The following PTPRZ1 variants were observed in gnomAD, a reference collection of about 807,000 sequenced individuals.
The protein encoded by PTPRZ1 is receptor-type tyrosine-protein phosphatase zeta.
A neutral mutation model predicts 214.1 loss-of-function variants in PTPRZ1; 82 were observed. The ratio of observed to expected loss-of-function variants is 0.38; its 90% CI spans 0.32 to 0.46. PTPRZ1 has a LOEUF of 0.46. PTPRZ1 is among the 20% of genes least tolerant of loss of function. The probability of loss-of-function intolerance (pLI) is 1.00; values close to 1 mark genes in which losing one functional copy is unlikely to be tolerated. For missense variants in PTPRZ1, 2,603 were observed against 2,748.7 expected, an observed-to-expected ratio of 0.95 and a Z score of 1.19; for synonymous variants, 945 against 987.9, an observed-to-expected ratio of 0.96 and a Z score of 0.81.
intron 2 of PTPRZ1, among the ~76,000 whole-genome samples, chr7:121,946,983 G>A (rs747088082): frequency 2.0e-5 from 3 of 152,094 alleles, no homozygotes; most frequent in Non-Finnish European, 4.4e-5. Flanking sequence ...GACAAGTAAA[G>A]GCAACATGTG....
chr7:121,927,872 C>G (rs896993945), intron 1 of PTPRZ1, among the ~76,000 whole-genome samples: 1 of 152,274 alleles, frequency 6.6e-6, no homozygotes, highest in Admixed American at 6.5e-5. Flanking sequence ...CTCTTTGGGG[C>G]TGAACCCCTC....
intron 2 of PTPRZ1, among the ~76,000 whole-genome samples, chr7:121,937,136 C>T (rs1039017722): frequency 2.6e-5 from 4 of 152,120 alleles, no homozygotes; most frequent in Admixed American, 6.5e-5. Flanking sequence ...AACAGCTGCA[C>T]GTATTCATTC....
Position 121,955,851 on chromosome 7 carries a change from C to T in PTPRZ1, c.125-12100C>T, listed in dbSNP as rs190541823. On this transcript the variant is annotated intron_variant, in intron 2 of 29. Transcript: ENST00000393386. ...ATGGGAGTTTGTTAAATTTTATCTG[C>T]GATTTTTCCAATTTTAATTAAATAC... 3.5e-3 allele frequency among the ~76,000 whole-genome samples: 532 copies of T among 152,202 alleles called. 4 individuals are homozygous for T. The highest frequency in any genetic ancestry group is 0.014 in the South Asian group (69 of 4,822).
intron 2 of PTPRZ1, among the ~76,000 whole-genome samples, chr7:121,959,091 G>C (rs1196496): frequency 0.58 from 87,871 of 151,976 alleles, 25,868 homozygotes; most frequent in African/African-American, 0.67. Flanking sequence ...CCAAAGTGCT[G>C]GGATTACAGG....
At chr7:122,046,915 T>G (rs1792008194) in intron 23 of PTPRZ1, among the ~76,000 whole-genome samples, 1 of 152,012 alleles carries the variant, frequency 6.6e-6, no homozygotes, top group Admixed American at 6.6e-5. Context: ...CAATTAAAAA[T>G]GAAATGTCTA....
At chr7:121,947,553 A>G (rs1243990491) in intron 2 of PTPRZ1, among the ~76,000 whole-genome samples, 2 of 152,212 alleles carry the variant, frequency 1.3e-5, no homozygotes. Context: ...TCAATTAGTA[A>G]TTCTATATCC....
chr7:121,888,383 G>A (rs1287746929), intron 1 of PTPRZ1, among the ~76,000 whole-genome samples: 4 of 151,996 alleles, frequency 2.6e-5, no homozygotes, highest in African/African-American at 7.2e-5. Context: ...TGGGGCAAAC[G>A]TTTAGGGGAA....
chr7:121,892,931 A>G (rs1794683322), intron 1 of PTPRZ1, among the ~76,000 whole-genome samples: 1 of 151,876 alleles, frequency 6.6e-6, no homozygotes, highest in African/African-American at 2.4e-5. Flanking sequence ...ATTATACACA[A>G]TCATTGCAAA....
intron 22 of PTPRZ1, 119 bp from the exon 23 acceptor site, chr7:122,044,303 T>G (rs566415826): frequency 4.6e-5 from 54 of 1,173,942 alleles, no homozygotes; most frequent in Non-Finnish European, 6.2e-5. Context: ...CAATCTTGTG[T>G]GGGTCTTCCC....
chr7:121,965,490 G>A (rs1797022006), intron 2 of PTPRZ1, among the ~76,000 whole-genome samples: 1 of 152,126 alleles, frequency 6.6e-6, no homozygotes, highest in African/African-American at 2.4e-5. Context: ...CTCACAACCT[G>A]GTAGGTCACT....
intron 17 of PTPRZ1, among the ~76,000 whole-genome samples, chr7:122,035,176 C>G (rs1032148484): frequency 6.6e-6 from 1 of 152,120 alleles, no homozygotes; most frequent in Non-Finnish European, 1.5e-5. Context: ...GTATTACCAA[C>G]GAGGTTATTT....
chr7:121,910,240 A>G (rs1795231348), intron 1 of PTPRZ1, among the ~76,000 whole-genome samples: 1 of 152,152 alleles, frequency 6.6e-6, no homozygotes, highest in Non-Finnish European at 1.5e-5. Context: ...CTTTGCTTGA[A>G]TGTCACTTCT....
intron 8 of PTPRZ1, among the ~76,000 whole-genome samples, chr7:121,993,497 C>A (rs2693656): frequency 0.78 from 116,677 of 148,918 alleles, 46,264 homozygotes; most frequent in South Asian, 0.9. Flanking sequence ...ATGGTGTGAA[C>A]CCAGGAGGCG....
At chr7:121,970,570 T>C (rs1419978727) in intron 3 of PTPRZ1, among the ~76,000 whole-genome samples, 1 of 152,256 alleles carries the variant, frequency 6.6e-6, no homozygotes, top group East Asian at 1.9e-4. Context: ...GAGCATTTTT[T>C]CATGTGTCTG....
chr7:122,038,986 T>C, intron 19 of PTPRZ1, 97 bp downstream of exon 19: 2 of 1,315,978 alleles, frequency 1.5e-6, no homozygotes, highest in Non-Finnish European at 2.1e-6. Context: ...GCCAAAGTTT[T>C]GAGAGTTATT....
chr7:121,913,633 A>T (rs1156995510), intron 1 of PTPRZ1, among the ~76,000 whole-genome samples: 1 of 152,178 alleles, frequency 6.6e-6, no homozygotes, highest in African/African-American at 2.4e-5. Context: ...AAATATTACA[A>T]ATTGACACAG....
chr7:121,944,427 T>G (rs1011573529), intron 2 of PTPRZ1, among the ~76,000 whole-genome samples: 3 of 152,182 alleles, frequency 2.0e-5, no homozygotes, highest in African/African-American at 4.8e-5. Context: ...AATAATTTCC[T>G]TCTAATATTT....
At position 122,034,293 on chromosome 7, in the gene PTPRZ1, C is replaced by A; in HGVS notation, c.5199C>A (p.Ser1733Arg). 6.2e-7 allele frequency: 1 copy of A among 1,613,226 alleles called. No homozygotes were observed. Among genetic ancestry groups the A allele is most frequent in the Non-Finnish European group, 8.5e-7 (1 of 1,179,490 alleles). Residue 1733 changes from serine (S) to arginine (R), a missense_variant, in exon 17 of 30, where the codon AGC (serine) becomes AGA (arginine). Physicochemically the swap from Ser to Arg is moderately radical, Grantham distance 110 (BLOSUM62 -1). This residue lies in a region of PTPRZ1 where 1,913 missense variants were observed against 1,914.3 expected (regional missense o/e 1.00). Coordinates refer to ENST00000393386, the MANE Select transcript of PTPRZ1 (RefSeq NM_002851.3). ...ATAATTTTTTACAGGAAGTGCAGAG[C>A]TGTACTGTTGACTTAGGTATTACAG... ...TLKEFYQEVQ[S>R]CTVDLGITAD...
intron 13 of PTPRZ1, among the ~76,000 whole-genome samples, chr7:122,026,677 A>T (rs1218358137): frequency 1.3e-5 from 2 of 151,876 alleles, no homozygotes; most frequent in Non-Finnish European, 2.9e-5. Flanking sequence ...CTCTTATTCG[A>T]CCTGCTCTCT....
Sources: allele counts gnomAD v4.1 joint callset (sites outside exome capture counted in the v4.1 genomes callset), GRCh38; gene constraint gnomAD v4.1.1; regional missense constraint gnomAD v4.1.1; transcripts MANE v1.5; gene names NCBI Gene and HGNC (gene_info 2026-07-23, HGNC 2026-07-21).